The following ARHGAP26 variants were observed in gnomAD, a reference collection of about 807,000 sequenced individuals.
The protein encoded by ARHGAP26 is Rho GTPase activating protein 26, also known as rho GTPase-activating protein 26.
In ARHGAP26, 38 loss-of-function variants were observed where a neutral mutation model predicts 104.8. The observed-to-expected ratio is 0.36, with a 90% CI of 0.28 to 0.48. The LOEUF (loss-of-function observed/expected upper bound fraction) is 0.48. Among genes scored for constraint, ARHGAP26 ranks in the 20% least tolerant of loss-of-function variants. The pLI is 0.99. For synonymous variants in ARHGAP26, 341 were observed against 340.0 expected (o/e 1.00, Z -0.03); for missense variants, 704 against 947.9 (o/e 0.74, Z 3.38).
chr5:142,991,076 G>T (rs1314033535), intron 11 of ARHGAP26, among the ~76,000 whole-genome samples: 1 of 152,156 alleles, frequency 6.6e-6, no homozygotes, highest in Non-Finnish European at 1.5e-5. Context: ...GTCTACAAAG[G>T]CAGGCAGGCA....
intron 17 of ARHGAP26, among the ~76,000 whole-genome samples, chr5:143,087,662 T>TTTTTTTTTTTG (rs1790797248): frequency 2.1e-5 from 3 of 141,634 alleles, no homozygotes; most frequent in Non-Finnish European, 4.5e-5. Flanking sequence ...TTTTTTTTTT[T>TTTTTTTTTTTG]GAGACGGAGT....
chr5:143,204,359 C>T (rs943847901), intron 20 of ARHGAP26, among the ~76,000 whole-genome samples: 8 of 151,888 alleles, frequency 5.3e-5, no homozygotes, highest in Admixed American at 2.0e-4. Context: ...CCTGTCTCTA[C>T]TAAAAATACA....
intron 12 of ARHGAP26, among the ~76,000 whole-genome samples, chr5:143,035,436 G>A (rs1209641082): frequency 3.3e-5 from 5 of 152,148 alleles, no homozygotes; most frequent in Admixed American, 6.5e-5. Flanking sequence ...AGTAACTCAG[G>A]AATGGAAAAC....
rs963166010 is a variant in ARHGAP26, at chr5:143,224,864, T to G, written c.*2418T>G. 1 of 226,292 alleles carries G rather than the reference T, an allele frequency of 4.4e-6. No homozygotes were observed. Among genetic ancestry groups the G allele is most frequent in the African/African-American group, 2.2e-5 (1 of 44,960 alleles). The allele number at this position is 226,292 out of a possible 1,614,324, so 14.0% of individuals were successfully genotyped here. On this transcript the variant is annotated 3_prime_UTR_variant, in exon 23 of 23. Transcript: ENST00000645722. ...AGGTGGTTTTAAAGTTAACAGGGGT[T>G]TGTCATGGTGATTCACTACTCAGTT...
chr5:143,149,323 T>C (rs1048584711), intron 20 of ARHGAP26, among the ~76,000 whole-genome samples: 3 of 152,096 alleles, frequency 2.0e-5, no homozygotes, highest in African/African-American at 7.2e-5. Flanking sequence ...GATTGATACC[T>C]TTGGGTCTTG....
rs141071415 is a variant in ARHGAP26 at position 143,157,507 on chromosome 5, C to T, written c.1988+10126C>T. 2.5e-3 allele frequency among the ~76,000 whole-genome samples: 386 copies of T among 152,266 alleles called. 3 individuals are homozygous for T. The highest frequency in any genetic ancestry group is 2.6e-3 in the Non-Finnish European group (174 of 68,020). On this transcript the variant is annotated intron_variant, in intron 20 of 22. Transcript: ENST00000645722. ...CAACAAATTATTGACTAGAGAACTT[C>T]TGAGCCTTTAATATGTCCATCTTGA...
At chr5:142,885,641 C>T (rs1385092543) in intron 5 of ARHGAP26, among the ~76,000 whole-genome samples, 2 of 152,110 alleles carry the variant, frequency 1.3e-5, no homozygotes, top group Non-Finnish European at 1.5e-5. Flanking sequence ...CCGAGATGAC[C>T]ACCTCCTTGT....
chr5:143,015,129 G>GA (rs563902762), intron 12 of ARHGAP26, among the ~76,000 whole-genome samples: 5 of 148,954 alleles, frequency 3.4e-5, no homozygotes, highest in African/African-American at 4.9e-5. Flanking sequence ...TTTATGAGAT[G>GA]AAAAAAAAAT....
At chr5:142,779,928 G>A (rs982996882) in intron 1 of ARHGAP26, among the ~76,000 whole-genome samples, 22 of 152,186 alleles carry the variant, frequency 1.4e-4, no homozygotes, top group African/African-American at 5.3e-4. Flanking sequence ...CTTTTTAAAA[G>A]GGTTGCCTAA....
chr5:142,941,763 A>G (rs1766389492), intron 11 of ARHGAP26, among the ~76,000 whole-genome samples: 1 of 152,244 alleles, frequency 6.6e-6, no homozygotes, highest in Admixed American at 6.5e-5. Context: ...AGGTTGGAGA[A>G]AAGAGAAAGA....
chr5:143,197,102 T>A (rs1806974892), intron 20 of ARHGAP26, among the ~76,000 whole-genome samples: 1 of 152,210 alleles, frequency 6.6e-6, no homozygotes, highest in Admixed American at 6.5e-5. Flanking sequence ...TACACAAAAA[T>A]TATTTTTTTA....
At chr5:142,877,178 T>C (rs971875846) in intron 3 of ARHGAP26, among the ~76,000 whole-genome samples, 2 of 152,210 alleles carry the variant, frequency 1.3e-5, no homozygotes, top group African/African-American at 2.4e-5. Context: ...ATTGAGTTTC[T>C]ACTGTCTGCA....
chr5:142,791,889 G>A (rs1353730995), intron 1 of ARHGAP26, among the ~76,000 whole-genome samples: 4 of 149,790 alleles, frequency 2.7e-5, no homozygotes, highest in African/African-American at 5.0e-5. Flanking sequence ...GCTTGAACCC[G>A]GGAGGCGGAG....
In ARHGAP26 at chr5:143,142,985, A is replaced by G. The variant is rs117365138; in HGVS notation, c.1838-4246A>G. On this transcript the variant is annotated intron_variant, in intron 19 of 22. Transcript: ENST00000645722. ...TTTGTAAAACTTCGCTCTGTCTGGT[A>G]ACTCCCTTTTCTCCTTGTTTGATCA... is the stretch of plus-strand genomic sequence containing the variant. 1.7e-3 allele frequency among the ~76,000 whole-genome samples: 259 copies of G among 152,114 alleles called. 6 individuals carry two copies. The East Asian group carries it at 0.041, about 24-fold the overall frequency.
chr5:143,058,475 C>T (rs767501767), intron 17 of ARHGAP26, among the ~76,000 whole-genome samples: 8 of 152,244 alleles, frequency 5.3e-5, no homozygotes, highest in African/African-American at 1.7e-4. Flanking sequence ...GCTGACTTCC[C>T]GTGCTGCATT....
intron 22 of ARHGAP26, among the ~76,000 whole-genome samples, chr5:143,218,552 G>A (rs1810688726): frequency 6.6e-6 from 1 of 152,220 alleles, no homozygotes; most frequent in Admixed American, 6.5e-5. Context: ...CATGGTGAGT[G>A]AAGGAGGGCA....
At position 142,955,519 on chromosome 5, in the gene ARHGAP26, A is replaced by G. The variant is rs376165435; in HGVS notation, c.1107+23394A>G. On this transcript the variant is annotated intron_variant, in intron 11 of 22. Transcript: ENST00000645722. The stretch of plus-strand genomic sequence containing the variant: ...AGACCCCTTCAAAAATCCAGTGAAT[A>G]CTGTGGACTCTCTAAGAAATTTGGC... Among the ~76,000 whole-genome samples the G allele has an allele frequency of 3.9e-5, 6 of 152,296 alleles. No homozygotes were observed. In the South Asian group the frequency reaches 1.2e-3, roughly 32 times the overall value.
chr5:142,813,277 G>A lies in ARHGAP26; in HGVS notation c.154+42362G>A, dbSNP rs373415713. ...AAGAAAAATTCTACCTATCCTCTCT[G>A]TGTAATTGACATAAGATTTTGTCCT... On this transcript the variant is annotated intron_variant, in intron 1 of 22. Transcript: ENST00000645722. Among the ~76,000 whole-genome samples the A allele has an allele frequency of 5.9e-5, 9 of 152,274 alleles. 1 individual carries two copies. The highest frequency in any genetic ancestry group is 2.2e-4 in the African/African-American group (9 of 41,552).
chr5:143,144,992 T>A (rs72799976), intron 19 of ARHGAP26, among the ~76,000 whole-genome samples: 4,825 of 152,304 alleles, frequency 0.032, 130 homozygotes, highest in South Asian at 0.13. Context: ...GGTTTCTGGG[T>A]TTTCTTGTCA....
Sources: gnomAD v4.1 joint callset for allele counts (sites outside exome capture counted in the v4.1 genomes callset) on GRCh38, gnomAD v4.1.1 for gene constraint, MANE v1.5 for transcripts, NCBI Gene and HGNC (gene_info 2026-07-23, HGNC 2026-07-21) for gene names.